Variants in FRMD3 observed in about 807,000 individuals in gnomAD.
FRMD3 encodes the protein FERM domain-containing protein 3.
A neutral mutation model predicts 70.2 loss-of-function variants in FRMD3; 33 were observed. The observed-to-expected ratio is 0.47, with a 90% CI of 0.36 to 0.63. The LOEUF (loss-of-function observed/expected upper bound fraction) is 0.63, where lower values mean the gene tolerates loss of function less well. FRMD3 is among the 20% of genes least tolerant of loss of function. FRMD3 has a pLI of 0.00. For synonymous variants in FRMD3, 279 were observed against 255.9 expected, an observed-to-expected ratio of 1.09 and a Z score of -0.86; for missense variants, 632 against 711.4, an observed-to-expected ratio of 0.89 and a Z score of 1.27.
At chr9:83,499,658 C>A (rs1587481149) in intron 1 of FRMD3, among the ~76,000 whole-genome samples, 2 of 152,178 alleles carry the variant, frequency 1.3e-5, no homozygotes, top group East Asian at 3.8e-4. Context: ...TGGTGAGGAT[C>A]TGGAGCAGCA....
chr9:83,456,913 G>A lies in FRMD3; in HGVS notation c.148-67205C>T, dbSNP rs751800947. Among the ~76,000 whole-genome samples, 6 of 152,138 alleles carry A rather than the reference G, an allele frequency of 3.9e-5. No individual in the cohort carries two copies. In the East Asian group the frequency reaches 5.8e-4, roughly 15 times the overall value. On this transcript the variant is annotated intron_variant, in intron 1 of 13. Coordinates refer to ENST00000304195, the MANE Select transcript of FRMD3 (RefSeq NM_174938.6). ...GAGGATTGCTTGGACCCAGAAGGTCGAGGCTGCAGTGGGCTGTGATCATGC... is the reference window on the plus strand; with the variant it reads ...GAGGATTGCTTGGACCCAGAAGGTCAAGGCTGCAGTGGGCTGTGATCATGC...
At chr9:83,492,867 CG>C (rs1426121746) in intron 1 of FRMD3, among the ~76,000 whole-genome samples, 3 of 152,166 alleles carry the variant, frequency 2.0e-5, no homozygotes, top group Admixed American at 1.3e-4. Context: ...TCGTCAAGCT[CG>C]TCCTCATAGC....
chr9:83,396,377 C>T (rs2131310063), intron 1 of FRMD3, among the ~76,000 whole-genome samples: 1 of 152,350 alleles, frequency 6.6e-6, no homozygotes, highest in African/African-American at 2.4e-5. Flanking sequence ...AGCAACCATA[C>T]ATCCCTTTAT....
At chr9:83,429,863 T>A (rs1826920995) in intron 1 of FRMD3, among the ~76,000 whole-genome samples, 1 of 152,136 alleles carries the variant, frequency 6.6e-6, no homozygotes, top group Non-Finnish European at 1.5e-5. Flanking sequence ...TATGCAGAGA[T>A]GCGAATGATT....
intron 13 of FRMD3, among the ~76,000 whole-genome samples, chr9:83,254,767 G>A (rs952493359): frequency 1.3e-5 from 2 of 152,098 alleles, no homozygotes; most frequent in African/African-American, 4.8e-5. Flanking sequence ...ACATGAACTA[G>A]AAAATCTAGA....
At chr9:83,304,915 C>T (rs1004436308) in intron 10 of FRMD3, among the ~76,000 whole-genome samples, 2 of 152,178 alleles carry the variant, frequency 1.3e-5, no homozygotes, top group African/African-American at 2.4e-5. Context: ...AGAGTTTCTG[C>T]GTCTGGGCTC....
chr9:83,317,139 A>G (rs1002148556), intron 6 of FRMD3, among the ~76,000 whole-genome samples: 1 of 151,992 alleles, frequency 6.6e-6, no homozygotes, highest in Admixed American at 6.6e-5. Flanking sequence ...TTAAAAAAAA[A>G]ATACAGAAAA....
At chr9:83,272,601 C>T (rs1300536423) in intron 13 of FRMD3, among the ~76,000 whole-genome samples, 2 of 151,000 alleles carry the variant, frequency 1.3e-5, no homozygotes, top group Non-Finnish European at 3.0e-5. Context: ...TCTGCCCGGC[C>T]GCCCAGTCTG....
At chr9:83,312,427 A>T (rs919276968) in intron 7 of FRMD3, among the ~76,000 whole-genome samples, 1 of 152,244 alleles carries the variant, frequency 6.6e-6, no homozygotes, top group African/African-American at 2.4e-5. Flanking sequence ...AAATATCTCC[A>T]GAAAAGCTTA....
rs1554685550 is a variant in FRMD3 at position 83,309,288 on chromosome 9, A to ACACACG, written c.926+247_926+248insCGTGTG. ...CACACACACACACACACACACACAC[A>ACACACG]CACACACACACACACAGTGGCCCAC... On this transcript the variant is annotated intron_variant, in intron 10 of 13. Transcript: ENST00000304195. 7.0e-3 allele frequency among the ~76,000 whole-genome samples: 1,057 copies of ACACACG among 151,698 alleles called. 36 individuals carry two copies. The highest frequency in any genetic ancestry group is 0.023 in the African/African-American group (948 of 41,254).
At chr9:83,535,039 A>T (rs557807640) in intron 1 of FRMD3, among the ~76,000 whole-genome samples, 28 of 152,346 alleles carry the variant, frequency 1.8e-4, no homozygotes, top group African/African-American at 6.5e-4. Context: ...GATCCAGACA[A>T]TTCTGGATTT....
intron 1 of FRMD3, among the ~76,000 whole-genome samples, chr9:83,511,354 G>A (rs978622048): frequency 3.3e-5 from 5 of 152,216 alleles, no homozygotes; most frequent in Non-Finnish European, 5.9e-5. Flanking sequence ...GAGAAGGGGG[G>A]AGGCTGAGAA....
At chr9:83,335,712 G>A (rs1823555702) in intron 5 of FRMD3, 73 bp from the exon 6 acceptor site, 1 of 1,330,150 alleles carries the variant, frequency 7.5e-7, no homozygotes, top group South Asian at 1.4e-5. Flanking sequence ...CATATGGAGT[G>A]CCTCCTGCCA....
In FRMD3 at chr9:83,340,341, A is replaced by T. The variant is rs543218646; in HGVS notation, c.472+2849T>A. ...CCAGATCCTACTCCCATGGAATTAG[A>T]TTCTATATAAGAGGAAATGCACAAT... On this transcript the variant is annotated intron_variant, in intron 5 of 13. Transcript: ENST00000304195. Among the ~76,000 whole-genome samples, 11 of 152,350 alleles carry T rather than the reference A, an allele frequency of 7.2e-5. 1 individual carries two copies. The highest frequency in any genetic ancestry group is 2.6e-4 in the African/African-American group (11 of 41,588).
intron 1 of FRMD3, among the ~76,000 whole-genome samples, chr9:83,452,074 T>C (rs1447301214): frequency 6.6e-6 from 1 of 152,176 alleles, no homozygotes; most frequent in Non-Finnish European, 1.5e-5. Flanking sequence ...TGCCCCCTTT[T>C]CTGGGCTCTT....
chr9:83,362,088 C>G (rs1824602931), intron 3 of FRMD3, among the ~76,000 whole-genome samples: 1 of 152,002 alleles, frequency 6.6e-6, no homozygotes, highest in South Asian at 2.1e-4. Context: ...ACTGGAAGAA[C>G]AAGTAGAGTT....
intron 1 of FRMD3, among the ~76,000 whole-genome samples, chr9:83,390,950 C>T (rs1825649495): frequency 6.6e-6 from 1 of 152,198 alleles, no homozygotes; most frequent in South Asian, 2.1e-4. Context: ...CACCCTCCAG[C>T]AAGATCTCCA....
chr9:83,247,820 C>A lies in FRMD3; in HGVS notation c.*98G>T. 1 of 1,522,132 alleles carries A rather than the reference C, an allele frequency of 6.6e-7. No homozygotes were observed. The highest frequency in any genetic ancestry group is 8.8e-7 in the Non-Finnish European group (1 of 1,138,686). 94.3% of individuals were successfully genotyped at this position (1,522,132 alleles called of 1,614,324 possible). On this transcript the variant is annotated 3_prime_UTR_variant, in exon 14 of 14. Coordinates refer to ENST00000304195, the MANE Select transcript of FRMD3 (RefSeq NM_174938.6). ...AATAATCAATTATGAGTAAGGAACA[C>A]CTGTTGACAGCCCCGTGACCCTTCA...
chr9:83,490,763 T>TTCTC lies in FRMD3; in HGVS notation c.147+47318_147+47321dup, dbSNP rs67058664. Among the ~76,000 whole-genome samples, 797 of 129,238 alleles carry TTCTC rather than the reference T, an allele frequency of 6.2e-3. 5 individuals are homozygous for TTCTC. The highest frequency in any genetic ancestry group is 9.2e-3 in the Non-Finnish European group (566 of 61,446). 84.8% of individuals were successfully genotyped at this position (129,238 alleles called of 152,430 possible). ...ATAAAAAATCCAGTTTTTTACTCTC[T>TTCTC]TCTCTCTCTCTCTCTCTCTCTCTCT... On this transcript the variant is annotated intron_variant, in intron 1 of 13. Transcript: ENST00000304195.
Sources: gnomAD v4.1 joint callset for allele counts (sites outside exome capture counted in the v4.1 genomes callset) on GRCh38, gnomAD v4.1.1 for gene constraint, MANE v1.5 for transcripts, NCBI Gene and HGNC (gene_info 2026-07-23, HGNC 2026-07-21) for gene names.